The following PTPRD variants were observed in gnomAD, a reference collection of about 807,000 sequenced individuals.
PTPRD encodes protein tyrosine phosphatase receptor type D.
Under a neutral mutation model 214.5 loss-of-function variants are expected in PTPRD, and 34 were observed. The ratio of observed to expected loss-of-function variants is 0.16; its 90% CI spans 0.12 to 0.21. The LOEUF (loss-of-function observed/expected upper bound fraction) is 0.21, where lower values mean the gene tolerates loss of function less well. Ranked by LOEUF, PTPRD falls within the 10% of genes least tolerant of loss-of-function variation. The pLI, the probability that PTPRD is intolerant of heterozygous loss-of-function variation, is 1.00. For synonymous variants in PTPRD, 1,128 were observed against 845.7 expected (o/e 1.33, Z -5.79); for missense variants, 2,545 against 2,398.7 (o/e 1.06, Z -1.27).
In PTPRD at chr9:9,892,276, A is replaced by T. The variant is rs145537572; in HGVS notation, c.-368+46231T>A. ...AAAATAGCCAGATAAGGCCTTATAG[A>T]GATTACCTTTGAACAGATACAAAAA... is the stretch of plus-strand genomic sequence containing the variant. On this transcript the variant is annotated intron_variant, in intron 5 of 45. Coordinates refer to ENST00000381196, the MANE Select transcript of PTPRD (RefSeq NM_002839.4). 8.9e-3 allele frequency among the ~76,000 whole-genome samples: 1,357 copies of T among 152,214 alleles called. 18 individuals carry two copies. The highest frequency in any genetic ancestry group is 0.031 in the African/African-American group (1,294 of 41,524).
At chr9:9,424,653 A>G (rs1171713534) in intron 8 of PTPRD, among the ~76,000 whole-genome samples, 1 of 152,198 alleles carries the variant, frequency 6.6e-6, no homozygotes, top group Non-Finnish European at 1.5e-5. Context: ...ATCAAAATTA[A>G]TTAAAAACAA....
At chr9:10,593,889 C>A (rs929107498) in intron 2 of PTPRD, among the ~76,000 whole-genome samples, 2 of 151,944 alleles carry the variant, frequency 1.3e-5, no homozygotes, top group Non-Finnish European at 2.9e-5. Context: ...TTCCTCCAGC[C>A]CCAAATGGTG....
intron 9 of PTPRD, among the ~76,000 whole-genome samples, chr9:9,203,248 A>AACAC (rs151327041): frequency 2.0e-5 from 3 of 150,606 alleles, no homozygotes; most frequent in African/African-American, 4.9e-5. Context: ...CACACACACA[A>AACAC]ACACACACAC....
At chr9:9,324,029 T>C (rs181141221) in intron 9 of PTPRD, among the ~76,000 whole-genome samples, 46 of 152,306 alleles carry the variant, frequency 3.0e-4, no homozygotes, top group Non-Finnish European at 1.0e-4. Context: ...TCATCCTTTT[T>C]TATGGCTGCA....
At chr9:9,876,098 G>C (rs1018494985) in intron 5 of PTPRD, among the ~76,000 whole-genome samples, 2 of 152,028 alleles carry the variant, frequency 1.3e-5, no homozygotes, top group Non-Finnish European at 2.9e-5. Context: ...GCCATGCATA[G>C]GCCAGTAAGA....
intron 11 of PTPRD, among the ~76,000 whole-genome samples, chr9:8,937,546 A>C (rs1344051775): frequency 6.6e-6 from 1 of 152,180 alleles, no homozygotes; most frequent in Non-Finnish European, 1.5e-5. Context: ...GCAGTCTAGC[A>C]TTTTAGCAAT....
rs182862619 is a variant in PTPRD, at chr9:9,169,770, T to C, written c.-143+13534A>G. Among the ~76,000 whole-genome samples the C allele has an allele frequency of 2.6e-5, 4 of 152,304 alleles. No individual in the cohort carries two copies. In the East Asian group the frequency reaches 7.7e-4, roughly 29 times the overall value. ...TAAACACATTCTAAAAAGGCATCTG[T>C]AGTCTAAGGACTCAGAGCATAGGTG... On this transcript the variant is annotated intron_variant, in intron 10 of 45. Transcript: ENST00000381196.
chr9:9,167,328 TTGTG>T (rs147430665), intron 10 of PTPRD, among the ~76,000 whole-genome samples: 9,447 of 145,618 alleles, frequency 0.065, 380 homozygotes, highest in East Asian at 0.1. Flanking sequence ...TATATGGGGT[TTGTG>T]TGTGTGTGTG....
At chr9:9,837,137 T>C (rs1175291272) in intron 5 of PTPRD, among the ~76,000 whole-genome samples, 6 of 152,168 alleles carry the variant, frequency 3.9e-5, no homozygotes, top group Non-Finnish European at 7.3e-5. Context: ...GTTTAGCCAA[T>C]TTTTGTGTAT....
intron 31 of PTPRD, among the ~76,000 whole-genome samples, chr9:8,469,775 G>A (rs2096616616): frequency 6.6e-6 from 1 of 151,982 alleles, no homozygotes; most frequent in South Asian, 2.1e-4. Flanking sequence ...TGACACAAAA[G>A]CATAGGCCTA....
intron 10 of PTPRD, among the ~76,000 whole-genome samples, chr9:9,100,270 A>G (rs1200399543): frequency 6.6e-6 from 1 of 152,220 alleles, no homozygotes; most frequent in Non-Finnish European, 1.5e-5. Flanking sequence ...AGCAGTAGGT[A>G]TTACCATCTG....
At chr9:10,494,491 C>A (rs1477121299) in intron 2 of PTPRD, among the ~76,000 whole-genome samples, 1 of 151,618 alleles carries the variant, frequency 6.6e-6, no homozygotes, top group Admixed American at 6.6e-5. Flanking sequence ...TCTCATTTAA[C>A]TACTAAGGAA....
intron 36 of PTPRD, among the ~76,000 whole-genome samples, chr9:8,389,912 G>C (rs975228817): frequency 6.6e-6 from 1 of 152,170 alleles, no homozygotes; most frequent in Non-Finnish European, 1.5e-5. Flanking sequence ...TCTGCAGTAA[G>C]TCCTGTTATG....
At chr9:8,647,227 C>G (rs1018824204) in intron 12 of PTPRD, among the ~76,000 whole-genome samples, 1 of 152,140 alleles carries the variant, frequency 6.6e-6, no homozygotes, top group African/African-American at 2.4e-5. Context: ...GCTCTCTTCC[C>G]CTCTACCACC....
intron 2 of PTPRD, among the ~76,000 whole-genome samples, chr9:10,522,596 A>G (rs562064998): frequency 2.5e-4 from 38 of 152,250 alleles, no homozygotes; most frequent in African/African-American, 8.7e-4. Flanking sequence ...GGACTGATGT[A>G]CTGAGAGAAG....
At chr9:9,922,091 G>T (rs890873696) in intron 5 of PTPRD, among the ~76,000 whole-genome samples, 1 of 152,046 alleles carries the variant, frequency 6.6e-6, no homozygotes, top group African/African-American at 2.4e-5. Flanking sequence ...CCACAGTGTG[G>T]AGCCCCCACA....
At chr9:9,882,600 ACT>A (rs564936488) in intron 5 of PTPRD, among the ~76,000 whole-genome samples, 16 of 152,102 alleles carry the variant, frequency 1.1e-4, no homozygotes, top group Non-Finnish European at 1.9e-4. Context: ...GTTATTTCAG[ACT>A]CTGAGAATTA....
At chr9:8,605,568 T>A (rs1412707673) in intron 14 of PTPRD, among the ~76,000 whole-genome samples, 1 of 152,132 alleles carries the variant, frequency 6.6e-6, no homozygotes, top group African/African-American at 2.4e-5. Context: ...TTACTGTGAG[T>A]CTTTAGGCAA....
intron 11 of PTPRD, among the ~76,000 whole-genome samples, chr9:8,808,003 G>C (rs941582363): frequency 6.6e-6 from 1 of 152,138 alleles, no homozygotes; most frequent in Non-Finnish European, 1.5e-5. Flanking sequence ...ACTGCTTGGG[G>C]ACATGTATGC....
Sources: allele counts gnomAD v4.1 joint callset (sites outside exome capture counted in the v4.1 genomes callset), GRCh38; gene constraint gnomAD v4.1.1; transcripts MANE v1.5; gene names NCBI Gene and HGNC (gene_info 2026-07-23, HGNC 2026-07-21).